LRRC69: variants seen among roughly 807,000 people sequenced by gnomAD.
LRRC69 encodes leucine rich repeat containing 69.
Under a neutral mutation model 37.8 loss-of-function variants are expected in LRRC69, and 42 were observed. The ratio of observed to expected loss-of-function variants is 1.11; its 90% CI spans 0.87 to 1.44. The LOEUF (loss-of-function observed/expected upper bound fraction) is 1.44. Among genes scored for constraint, LRRC69 ranks in the 40% most tolerant of loss-of-function variants. LRRC69 has a pLI of 0.00. For missense variants in LRRC69, 357 were observed against 401.9 expected, an observed-to-expected ratio of 0.89 and a Z score of 0.96; for synonymous variants, 141 against 143.1, an observed-to-expected ratio of 0.99 and a Z score of 0.11.
intron 5 of LRRC69, 63 bp downstream of exon 5, chr8:91,135,802 A>G: frequency 1.2e-6 from 1 of 826,766 alleles, no homozygotes; most frequent in African/African-American, 1.8e-5. Context: ...TGGGAATAGA[A>G]AAAATATGGG....
At chr8:91,170,989 C>T (rs916466537) in intron 5 of LRRC69, among the ~76,000 whole-genome samples, 48 of 146,834 alleles carry the variant, frequency 3.3e-4, no homozygotes, top group Non-Finnish European at 4.0e-4. Flanking sequence ...AGAAAATTTT[C>T]GCAACCTACT....
At chr8:91,148,955 T>C (rs1370110039) in intron 5 of LRRC69, among the ~76,000 whole-genome samples, 4 of 151,924 alleles carry the variant, frequency 2.6e-5, no homozygotes, top group African/African-American at 9.7e-5. Flanking sequence ...GTAAATTTGT[T>C]TGAGTTCTTT....
At chr8:91,169,670 C>T (rs1809092026) in intron 5 of LRRC69, among the ~76,000 whole-genome samples, 1 of 102,930 alleles carries the variant, frequency 9.7e-6, no homozygotes, top group Non-Finnish European at 1.9e-5. Context: ...ATCCCCTCCC[C>T]CCCTACCCCC....
chr8:91,183,799 T>C (rs1809362289), intron 5 of LRRC69, among the ~76,000 whole-genome samples: 1 of 152,126 alleles, frequency 6.6e-6, no homozygotes, highest in Non-Finnish European at 1.5e-5. Context: ...GAATTTATGG[T>C]GATTCTTGTC....
At chr8:91,142,055 C>T (rs1237105430) in intron 5 of LRRC69, among the ~76,000 whole-genome samples, 2 of 151,816 alleles carry the variant, frequency 1.3e-5, no homozygotes, top group African/African-American at 4.8e-5. Context: ...TTTATATTTC[C>T]TTTGAAACAG....
In LRRC69 at chr8:91,150,658, T is replaced by A. The variant is rs187678299; in HGVS notation, c.651+14919T>A. On this transcript the variant is annotated intron_variant, in intron 5 of 7. Coordinates refer to ENST00000448384, the Ensembl canonical transcript of LRRC69. ...CTGATTGGAATAGTTTCAGAAGGAA[T>A]GGTACCAGCTCCTCTTTGTACCTCT... Among the ~76,000 whole-genome samples the A allele has an allele frequency of 1.4e-3, 207 of 152,168 alleles. 2 individuals are homozygous for A. Among genetic ancestry groups the A allele is most frequent in the African/African-American group, 4.9e-3 (202 of 41,574 alleles).
chr8:91,157,071 T>C (rs1808848591), intron 5 of LRRC69, among the ~76,000 whole-genome samples: 2 of 151,294 alleles, frequency 1.3e-5, no homozygotes, highest in Non-Finnish European at 3.0e-5. Context: ...GTTTGTTCTT[T>C]TTGCTCAGAA....
At chr8:91,216,050 T>C (rs996770080) in intron 7 of LRRC69, among the ~76,000 whole-genome samples, 1 of 152,178 alleles carries the variant, frequency 6.6e-6, no homozygotes, top group Non-Finnish European at 1.5e-5. Context: ...TTTTTCTAAG[T>C]TAAATTTCTA....
chr8:91,145,728 T>C (rs1808608731), intron 5 of LRRC69, among the ~76,000 whole-genome samples: 1 of 151,832 alleles, frequency 6.6e-6, no homozygotes, highest in Non-Finnish European at 1.5e-5. Context: ...ATTAGTGAGT[T>C]CCAAAACTTG....
chr8:91,143,844 G>A (rs1808571874), intron 5 of LRRC69, among the ~76,000 whole-genome samples: 1 of 151,942 alleles, frequency 6.6e-6, no homozygotes, highest in South Asian at 2.1e-4. Flanking sequence ...GAATAGTGAG[G>A]AGAAGGTTTG....
At chr8:91,126,784 A>G (rs1258605906) in intron 2 of LRRC69, among the ~76,000 whole-genome samples, 7 of 152,084 alleles carry the variant, frequency 4.6e-5, no homozygotes, top group Non-Finnish European at 1.0e-4. Context: ...GAACTAAATT[A>G]TATTTTCTGC....
intron 6 of LRRC69, among the ~76,000 whole-genome samples, chr8:91,196,714 C>T (rs1465274574): frequency 6.6e-6 from 1 of 150,990 alleles, no homozygotes; most frequent in South Asian, 2.1e-4. Context: ...TTAAGCACTT[C>T]TCTGTATTGG....
At chr8:91,125,619 GA>G (rs1813702151) in intron 2 of LRRC69, among the ~76,000 whole-genome samples, 1 of 151,678 alleles carries the variant, frequency 6.6e-6, no homozygotes, top group African/African-American at 2.4e-5. Context: ...CAAATCAATA[GA>G]TAATAATATT....
intron 5 of LRRC69, among the ~76,000 whole-genome samples, chr8:91,149,852 C>G (rs1011004381): frequency 6.6e-6 from 1 of 151,660 alleles, no homozygotes; most frequent in Non-Finnish European, 1.5e-5. Context: ...AAGCAGTTGT[C>G]AATGGGAGTT....
intron 6 of LRRC69, among the ~76,000 whole-genome samples, chr8:91,192,091 C>T (rs966384443): frequency 2.0e-5 from 3 of 147,554 alleles, no homozygotes; most frequent in East Asian, 2.0e-4. Context: ...TGAGAATATG[C>T]GGTGTTTGGT....
intron 7 of LRRC69, among the ~76,000 whole-genome samples, chr8:91,210,017 A>G (rs1471398096): frequency 2.6e-5 from 4 of 152,214 alleles, no homozygotes; most frequent in Non-Finnish European, 4.4e-5. Context: ...ATTAAAATGT[A>G]ACGTTAGAAG....
intron 4 of LRRC69, among the ~76,000 whole-genome samples, chr8:91,134,577 C>T (rs1281272900): frequency 6.6e-6 from 1 of 151,790 alleles, no homozygotes; most frequent in African/African-American, 2.4e-5. Context: ...ACTCACACAC[C>T]CATCTCCTCT....
At chr8:91,127,242 T>A in intron 3 of LRRC69, 82 bp downstream of exon 3, 1 of 1,014,378 alleles carries the variant, frequency 9.9e-7, no homozygotes, top group Non-Finnish European at 1.5e-6. Context: ...GCATTATGCC[T>A]AGCATAAGTC....
At chr8:91,214,386 A>G (rs1443918489) in intron 7 of LRRC69, among the ~76,000 whole-genome samples, 2 of 152,172 alleles carry the variant, frequency 1.3e-5, no homozygotes, top group African/African-American at 2.4e-5. Flanking sequence ...AAAGAAATAT[A>G]CTTCTTCAGT....
Sources: allele counts gnomAD v4.1 joint callset (sites outside exome capture counted in the v4.1 genomes callset), GRCh38; gene constraint gnomAD v4.1.1; transcripts MANE v1.5; gene names NCBI Gene and HGNC (gene_info 2026-07-23, HGNC 2026-07-21).